The following ERICH1 variants were observed in gnomAD, a reference collection of about 807,000 sequenced individuals.
ERICH1 encodes glutamate rich 1.
In ERICH1, 56 loss-of-function variants were observed where a neutral mutation model predicts 39.6. That is an observed-to-expected ratio of 1.41 (90% confidence interval 1.14 to 1.77). The LOEUF is 1.77. Ranked by LOEUF, ERICH1 falls within the 40% of genes most tolerant of loss-of-function variation. The pLI is 0.00. For synonymous variants in ERICH1, 313 were observed against 223.6 expected, an observed-to-expected ratio of 1.40 and a Z score of -3.57; for missense variants, 826 against 575.4, an observed-to-expected ratio of 1.44 and a Z score of -4.45.
At chr8:652,855 G>A (rs1800150290) in intron 3 of ERICH1, among the ~76,000 whole-genome samples, 1 of 152,156 alleles carries the variant, frequency 6.6e-6, no homozygotes, top group South Asian at 2.1e-4. Flanking sequence ...AAGATGTCCG[G>A]CACCACTAAT....
At chr8:662,303 GTC>G (rs1388661383), downstream of ERICH1, among the ~76,000 whole-genome samples, 1 of 152,262 alleles carries the variant, frequency 6.6e-6, no homozygotes, top group Non-Finnish European at 1.5e-5. Context: ...AAAATTATGA[GTC>G]TGCCAATATT....
intron 2 of ERICH1, among the ~76,000 whole-genome samples, chr8:700,569 G>GGCGCACAGACCCGCACAC (rs1811877559): frequency 1.3e-5 from 1 of 78,162 alleles, no homozygotes. Context: ...GGCCCGCACA[G>GGCGCACAGACCCGCACAC]GCGCACAGAC....
At chr8:709,075 TA>T (rs1814108092) in intron 2 of ERICH1, among the ~76,000 whole-genome samples, 1 of 152,150 alleles carries the variant, frequency 6.6e-6, no homozygotes, top group Non-Finnish European at 1.5e-5. Context: ...GTCAATATAC[TA>T]AAAAGCAGTA....
chr8:724,362 G>C (rs1056235402), intron 1 of ERICH1, among the ~76,000 whole-genome samples: 1 of 152,208 alleles, frequency 6.6e-6, no homozygotes, highest in Non-Finnish European at 1.5e-5. Flanking sequence ...TTTGCCCAGA[G>C]TTTCTCCTTG....
chr8:705,301 C>T (rs1486255585), intron 2 of ERICH1, among the ~76,000 whole-genome samples: 2 of 152,366 alleles, frequency 1.3e-5, no homozygotes, highest in African/African-American at 2.4e-5. Context: ...TCCTCCTGGA[C>T]GTGCATCTCA....
At chr8:726,741 C>T (rs1324148643) in intron 1 of ERICH1, among the ~76,000 whole-genome samples, 1 of 151,408 alleles carries the variant, frequency 6.6e-6, no homozygotes, top group African/African-American at 2.4e-5. Context: ...AACAGATATG[C>T]ATGTACACGC....
Position 673,654 on chromosome 8 carries a change from T to A in ERICH1, c.698A>T (p.Asp233Val). 1 of 1,613,050 alleles carries A rather than the reference T, an allele frequency of 6.2e-7. No individual in the cohort carries two copies. The highest frequency in any genetic ancestry group is 8.5e-7 in the Non-Finnish European group (1 of 1,179,570). ...EEDVKDTREE[D>V]GADASEEDLT... is the part of the protein sequence containing the mutation. Reference sequence around the variant, plus strand: ...GTCTTCCTCGCTAGCGTCCGCACCATCTTCCTCCCTGGTATCTTTAACGTC... The same window carrying A: ...GTCTTCCTCGCTAGCGTCCGCACCAACTTCCTCCCTGGTATCTTTAACGTC... The change falls in exon 4 of 6, where the codon GAT becomes GTT. Residue 233 changes from aspartate to valine, a missense_variant. Coordinates refer to ENST00000262109, the MANE Select transcript of ERICH1 (RefSeq NM_207332.3).
At chr8:699,354 C>T (rs922886170) in intron 2 of ERICH1, among the ~76,000 whole-genome samples, 3 of 152,178 alleles carry the variant, frequency 2.0e-5, no homozygotes, top group Admixed American at 1.3e-4. Flanking sequence ...GCTGTCCCAG[C>T]GGCCTTCTTC....
chr8:708,681 G>GTTTTTTTTTTTTTTT lies in ERICH1; in HGVS notation c.169+7165_169+7179dup, dbSNP rs139731216. Among the ~76,000 whole-genome samples the GTTTTTTTTTTTTTTT allele has an allele frequency of 9.3e-4, 61 of 65,760 alleles. 3 individuals are homozygous for GTTTTTTTTTTTTTTT. The highest frequency in any genetic ancestry group is 2.4e-3 in the African/African-American group (42 of 17,536). 43.1% of individuals were successfully genotyped at this position (65,760 alleles called of 152,430 possible). A position where few individuals can be genotyped will look rare whatever the true frequency, so the allele number is the denominator to read the frequency against. ...GGGCTGAGTGGTTACGGGATAATGA[G>GTTTTTTTTTTTTTTT]TTTTTTTTTTTTTTTTTTTTTTTTT... On this transcript the variant is annotated intron_variant, in intron 2 of 5. Transcript: ENST00000262109.
intron 3 of ERICH1, among the ~76,000 whole-genome samples, chr8:630,086 A>AGG (rs1797894916): frequency 8.3e-6 from 1 of 119,934 alleles, no homozygotes; most frequent in Non-Finnish European, 1.8e-5. Context: ...GAGCACCCAC[A>AGG]CAGACAGAGC....
At chr8:713,497 C>T (rs1815237803) in intron 2 of ERICH1, among the ~76,000 whole-genome samples, 1 of 152,146 alleles carries the variant, frequency 6.6e-6, no homozygotes, top group Non-Finnish European at 1.5e-5. Context: ...CTTAGTGTAA[C>T]CCCGTATCTA....
chr8:673,431 T>C lies in ERICH1; in HGVS notation c.921A>G (p.Thr307=), dbSNP rs755587258. The change falls in exon 4 of 6, where the codon ACA becomes ACG. Residue 307 remains threonine, a synonymous_variant. Coordinates refer to ENST00000262109, the MANE Select transcript of ERICH1 (RefSeq NM_207332.3). ...CTGCACCCTCTTCCTCCCCAGCCCA[T>C]GTCGGGTCTTCCTCGCTGGCGTCCG... ...DGADASEEDP[T]WAGEEEGADS... 3.7e-6 allele frequency: 6 copies of C among 1,613,980 alleles called. No homozygotes were observed. Among genetic ancestry groups the C allele is most frequent in the East Asian group, 4.5e-5 (2 of 44,866 alleles).
chr8:631,599 T>C (rs1021519426), intron 3 of ERICH1, among the ~76,000 whole-genome samples: 4 of 152,010 alleles, frequency 2.6e-5, no homozygotes, highest in Non-Finnish European at 5.9e-5. Flanking sequence ...TGCCAGGGAG[T>C]GGGGGCAATG....
chr8:689,419 G>A (rs1195764514), intron 3 of ERICH1, among the ~76,000 whole-genome samples: 1 of 152,232 alleles, frequency 6.6e-6, no homozygotes, highest in Non-Finnish European at 1.5e-5. Context: ...CCTCACCTAT[G>A]ATCTTGACTT....
chr8:623,201 C>G (rs1307908682), intron 3 of ERICH1, among the ~76,000 whole-genome samples: 4 of 152,084 alleles, frequency 2.6e-5, no homozygotes, highest in Non-Finnish European at 5.9e-5. Flanking sequence ...AATTACACAC[C>G]ATGAGTAAAT....
At chr8:726,055 C>G (rs192926202) in intron 1 of ERICH1, among the ~76,000 whole-genome samples, 1 of 152,182 alleles carries the variant, frequency 6.6e-6, no homozygotes, top group African/African-American at 2.4e-5. Context: ...TGACTCCTGT[C>G]CAGTTCTGCA....
intron 3 of ERICH1, among the ~76,000 whole-genome samples, chr8:654,945 C>G (rs1293152228): frequency 6.6e-6 from 1 of 152,232 alleles, no homozygotes; most frequent in Admixed American, 6.5e-5. Flanking sequence ...GTGACCAAAT[C>G]CTCTCAGGCT....
chr8:614,927 G>C (rs952439473), exon 4 of ERICH1: 6 of 286,246 alleles, frequency 2.1e-5, no homozygotes, highest in African/African-American at 4.3e-5. Context: ...GCTGCTGTCT[G>C]GGAAATGCAC....
intron 3 of ERICH1, among the ~76,000 whole-genome samples, chr8:640,021 C>A (rs1798812287): frequency 6.6e-6 from 1 of 152,228 alleles, no homozygotes; most frequent in Non-Finnish European, 1.5e-5. Flanking sequence ...GTGCCCGTGA[C>A]ATGTCCCAAG....
Sources: allele counts gnomAD v4.1 joint callset (sites outside exome capture counted in the v4.1 genomes callset), GRCh38; gene constraint gnomAD v4.1.1; transcripts MANE v1.5; gene names NCBI Gene and HGNC (gene_info 2026-07-23, HGNC 2026-07-21).